The following SNCAIP variants were observed in gnomAD, a reference collection of about 807,000 sequenced individuals.
The protein encoded by SNCAIP is synphilin-1.
In SNCAIP, 43 loss-of-function variants were observed where a neutral mutation model predicts 86.7. The observed-to-expected ratio is 0.50, with a 90% confidence interval of 0.39 to 0.64. The LOEUF (loss-of-function observed/expected upper bound fraction) is 0.64. Ranked by LOEUF, SNCAIP falls within the 30% of genes least tolerant of loss-of-function variation. The pLI is 0.00. For synonymous variants in SNCAIP, 417 were observed against 427.2 expected (o/e 0.98, Z 0.29); for missense variants, 981 against 1,103.1 (o/e 0.89, Z 1.57).
chr5:122,450,941 A>G lies in SNCAIP; in HGVS notation c.2094A>G (p.Arg698=). Residue 698 remains arginine (R), a synonymous_variant, in exon 10 of 11, where the codon CGA becomes CGG. Coordinates refer to ENST00000261368, the MANE Select transcript of SNCAIP (RefSeq NM_005460.4). ...CTACCCCAGTGAGGAAGGCTGACCG[A>G]CCAAGGCCGCAGCCCATTGTAGAAA... is the stretch of plus-strand genomic sequence containing the variant. ...PKTTPVRKAD[R]PRPQPIVESV... The G allele has an allele frequency of 6.2e-7, 1 of 1,614,134 alleles. No homozygotes were observed.
intron 1 of SNCAIP, among the ~76,000 whole-genome samples, chr5:122,326,938 C>CTATGTATGTATG (rs36064900): frequency 3.6e-4 from 53 of 146,896 alleles, no homozygotes; most frequent in African/African-American, 8.5e-4. Flanking sequence ...ACTTTCTCAA[C>CTATGTATGTATG]TATGTATGTA....
chr5:122,441,621 C>G (rs1406189158), intron 7 of SNCAIP, among the ~76,000 whole-genome samples: 2 of 152,126 alleles, frequency 1.3e-5, no homozygotes, highest in Non-Finnish European at 2.9e-5. Flanking sequence ...TGGGCCAAAC[C>G]CAGAGCTGCC....
In SNCAIP at chr5:122,366,202, G is replaced by GC. The variant is rs1420264804; in HGVS notation, c.-46-24886dup. Among the ~76,000 whole-genome samples the GC allele has an allele frequency of 2.0e-5, 3 of 152,264 alleles. No individual in the cohort carries two copies. In the East Asian group the frequency reaches 5.8e-4, roughly 29 times the overall value. On this transcript the variant is annotated intron_variant, in intron 1 of 10. Coordinates refer to ENST00000261368, the MANE Select transcript of SNCAIP (RefSeq NM_005460.4). ...ACTAGCAAAAGCAGGGAAGCCACCAGCTCCCCTAGGGCTTAAAGGACAAAG... is the reference window on the plus strand; with the variant it reads ...ACTAGCAAAAGCAGGGAAGCCACCAGCCTCCCCTAGGGCTTAAAGGACAAAG...
intron 1 of SNCAIP, among the ~76,000 whole-genome samples, chr5:122,326,379 T>C (rs1754033598): frequency 6.6e-6 from 1 of 152,212 alleles, no homozygotes; most frequent in Non-Finnish European, 1.5e-5. Context: ...TAACTTATAG[T>C]ACACTCATTA....
At chr5:122,374,289 T>C (rs1764841723) in intron 1 of SNCAIP, among the ~76,000 whole-genome samples, 1 of 152,182 alleles carries the variant, frequency 6.6e-6, no homozygotes, top group Admixed American at 6.5e-5. Flanking sequence ...TCTTAGTCTG[T>C]TTCTTGAAAG....
At chr5:122,405,762 T>A (rs1478591753) in intron 3 of SNCAIP, among the ~76,000 whole-genome samples, 1 of 152,248 alleles carries the variant, frequency 6.6e-6, no homozygotes, top group Non-Finnish European at 1.5e-5. Context: ...TGGTGACTCT[T>A]ACCAAGTTAA....
intron 3 of SNCAIP, among the ~76,000 whole-genome samples, chr5:122,411,853 G>A (rs1279761171): frequency 6.6e-6 from 1 of 152,112 alleles, no homozygotes; most frequent in Non-Finnish European, 1.5e-5. Context: ...ACTGACCTGG[G>A]CCACCTAGAT....
At chr5:122,361,415 T>C (rs1461316445) in intron 1 of SNCAIP, among the ~76,000 whole-genome samples, 1 of 32,842 alleles carries the variant, frequency 3.0e-5, no homozygotes, top group Non-Finnish European at 6.4e-5. Flanking sequence ...GCAATTTCAC[T>C]TCTAACCTTA....
intron 1 of SNCAIP, among the ~76,000 whole-genome samples, chr5:122,337,804 T>A (rs1483267338): frequency 6.6e-6 from 1 of 152,186 alleles, no homozygotes; most frequent in Non-Finnish European, 1.5e-5. Flanking sequence ...CCTTCCAAAG[T>A]GCTAAGATTA....
intron 2 of SNCAIP, among the ~76,000 whole-genome samples, chr5:122,393,339 C>G (rs1271385658): frequency 6.6e-6 from 1 of 152,122 alleles, no homozygotes; most frequent in Non-Finnish European, 1.5e-5. Context: ...GGTTAATCCT[C>G]ACAGCAATCT....
intron 5 of SNCAIP, among the ~76,000 whole-genome samples, chr5:122,430,862 A>G (rs1337516177): frequency 6.6e-6 from 1 of 152,028 alleles, no homozygotes; most frequent in African/African-American, 2.4e-5. Context: ...TAAAAATGTA[A>G]AAGTTGAGGA....
At position 122,384,700 on chromosome 5, in the gene SNCAIP, G is replaced by A. The variant is rs76237131; in HGVS notation, c.-46-6389G>A. On this transcript the variant is annotated intron_variant, in intron 1 of 10. Transcript: ENST00000261368. ...TTCAGGACAGCAAGGAAGAAATGCA[G>A]GCTCTCCTCTAGGAGCTGGAGCAGG... Among the ~76,000 whole-genome samples, 1,256 of 152,314 alleles carry A rather than the reference G, an allele frequency of 8.2e-3. 20 individuals carry two copies. Among genetic ancestry groups the A allele is most frequent in the African/African-American group, 0.028 (1,181 of 41,570 alleles).
intron 1 of SNCAIP, among the ~76,000 whole-genome samples, chr5:122,362,746 C>G (rs1364204341): frequency 6.6e-6 from 1 of 152,142 alleles, no homozygotes; most frequent in Non-Finnish European, 1.5e-5. Flanking sequence ...CCAACTGAGG[C>G]TGAACTGAGC....
intron 1 of SNCAIP, among the ~76,000 whole-genome samples, chr5:122,343,578 A>G (rs1004703847): frequency 3.9e-5 from 6 of 152,242 alleles, no homozygotes; most frequent in Non-Finnish European, 8.8e-5. Context: ...ATAGATGCTC[A>G]AACGATGAGA....
intron 10 of SNCAIP, among the ~76,000 whole-genome samples, chr5:122,463,041 A>G (rs1443090391): frequency 6.6e-6 from 1 of 152,244 alleles, no homozygotes; most frequent in Non-Finnish European, 1.5e-5. Flanking sequence ...GCTATTACTC[A>G]GTAATCACAC....
intron 1 of SNCAIP, among the ~76,000 whole-genome samples, chr5:122,319,230 T>C (rs1395618558): frequency 6.9e-6 from 1 of 144,064 alleles, no homozygotes; most frequent in Non-Finnish European, 1.5e-5. Context: ...ATCAATCCTA[T>C]AAAAAAAAAA....
chr5:122,463,336 T>A (rs1786924811), intron 10 of SNCAIP, among the ~76,000 whole-genome samples, 155 bp from the exon 11 acceptor site: 1 of 152,214 alleles, frequency 6.6e-6, no homozygotes, highest in Non-Finnish European at 1.5e-5. Context: ...GTAGTTTACA[T>A]GAAAAGAGAA....
chr5:122,362,379 C>T (rs777699038), intron 1 of SNCAIP, among the ~76,000 whole-genome samples: 2 of 152,138 alleles, frequency 1.3e-5, no homozygotes, highest in Non-Finnish European at 2.9e-5. Context: ...CAGTATGGCT[C>T]ACCATAGAGG....
intron 1 of SNCAIP, among the ~76,000 whole-genome samples, chr5:122,373,659 T>G (rs1239644323): frequency 6.6e-6 from 1 of 152,210 alleles, no homozygotes; most frequent in African/African-American, 2.4e-5. Context: ...TCAATCTTAT[T>G]TTTGTCCACC....
Sources: gnomAD v4.1 joint callset for allele counts (sites outside exome capture counted in the v4.1 genomes callset) on GRCh38, gnomAD v4.1.1 for gene constraint, MANE v1.5 for transcripts, NCBI Gene and HGNC (gene_info 2026-07-23, HGNC 2026-07-21) for gene names.